CSTPP1: variants seen among roughly 807,000 people sequenced by gnomAD.
The protein encoded by CSTPP1 is UPF0705 protein C11orf49.
At chr11:47,141,075 G>A in the CSTPP1 span, among the ~76,000 whole-genome samples, 2 of 152,262 alleles carry the variant, frequency 1.3e-5, no homozygotes, top group Non-Finnish European at 2.9e-5. Context: ...TTCATCAAAT[G>A]TTTCTTTTTA....
chr11:47,156,928 T>G, the CSTPP1 span: 1 of 1,331,126 alleles, frequency 7.5e-7, no homozygotes, highest in Non-Finnish European at 1.0e-6. Context: ...GGTGTGGAAC[T>G]GGGCTGACAG....
At chr11:47,038,749 G>T in the CSTPP1 span, among the ~76,000 whole-genome samples, 2 of 121,654 alleles carry the variant, frequency 1.6e-5, 1 homozygote. Flanking sequence ...CCCAGACGGG[G>T]TGGCTGCTGG....
the CSTPP1 span, among the ~76,000 whole-genome samples, chr11:47,158,327 A>G: frequency 1.0e-3 from 144 of 142,752 alleles, no homozygotes; most frequent in South Asian, 2.3e-3. Context: ...GTCTGCGGAG[A>G]CCTTTTTTCC....
chr11:47,025,839 A>T, the CSTPP1 span, among the ~76,000 whole-genome samples: 2 of 152,250 alleles, frequency 1.3e-5, no homozygotes, highest in African/African-American at 4.8e-5. Context: ...CCAAGCATAG[A>T]TATACAGTGG....
chr11:47,083,481 G>A, the CSTPP1 span, among the ~76,000 whole-genome samples: 1 of 152,098 alleles, frequency 6.6e-6, no homozygotes, highest in Non-Finnish European at 1.5e-5. Context: ...GTGGAATATT[G>A]GGTCATATGG....
chr11:47,086,352 G>T, the CSTPP1 span, among the ~76,000 whole-genome samples: 5 of 151,846 alleles, frequency 3.3e-5, no homozygotes, highest in Non-Finnish European at 7.4e-5. Context: ...GTTACAGAGA[G>T]CCAAGATTGC....
chr11:47,161,192 TA>T, the CSTPP1 span: 12 of 1,613,536 alleles, frequency 7.4e-6, no homozygotes, highest in Non-Finnish European at 1.0e-5. Context: ...GGAACGGCTG[TA>T]AGTGTCAAGT....
chr11:46,977,167 T>C, the CSTPP1 span, among the ~76,000 whole-genome samples: 1 of 152,216 alleles, frequency 6.6e-6, no homozygotes. Context: ...ATGGCTTGCA[T>C]TGTAATGTTA....
At chr11:47,092,328 A>C in the CSTPP1 span, among the ~76,000 whole-genome samples, 1 of 152,220 alleles carries the variant, frequency 6.6e-6, no homozygotes, top group Admixed American at 6.5e-5. Context: ...ATGATCAATA[A>C]ACTTGTAGAA....
At chr11:47,087,147 A>G in the CSTPP1 span, among the ~76,000 whole-genome samples, 1 of 152,212 alleles carries the variant, frequency 6.6e-6, no homozygotes, top group African/African-American at 2.4e-5. Context: ...CTATGTACTT[A>G]GCCAAGCTTT....
chr11:47,052,715 G>A, the CSTPP1 span: 23 of 638,940 alleles, frequency 3.6e-5, no homozygotes, highest in East Asian at 8.1e-4. Context: ...GGAGTTGTCT[G>A]GTTTATGTCA....
the CSTPP1 span, among the ~76,000 whole-genome samples, chr11:47,022,695 C>A: frequency 2.6e-5 from 4 of 152,058 alleles, no homozygotes; most frequent in African/African-American, 9.7e-5. Context: ...TAAAGCCATA[C>A]ACTATCCATA....
chr11:47,019,473 TC>T, the CSTPP1 span, among the ~76,000 whole-genome samples: 1 of 152,178 alleles, frequency 6.6e-6, no homozygotes, highest in Non-Finnish European at 1.5e-5. Context: ...AAGAGACTCT[TC>T]CTTTCACTTG....
chr11:47,161,644 C>T, the CSTPP1 span: 4 of 1,607,214 alleles, frequency 2.5e-6, no homozygotes, highest in Non-Finnish European at 3.4e-6. Context: ...CTTGAGGAGT[C>T]CAAAGGGTCC....
At chr11:46,998,163 C>T in the CSTPP1 span, among the ~76,000 whole-genome samples, 1 of 152,190 alleles carries the variant, frequency 6.6e-6, no homozygotes, top group Non-Finnish European at 1.5e-5. Context: ...TGTTCCTATT[C>T]GGCCATCTTG....
chr11:46,945,306 A>G, the CSTPP1 span, among the ~76,000 whole-genome samples: 1 of 152,168 alleles, frequency 6.6e-6, no homozygotes, highest in Non-Finnish European at 1.5e-5. Flanking sequence ...TATAATACAT[A>G]AAACTGGTCA....
chr11:47,132,671 C>A, the CSTPP1 span, among the ~76,000 whole-genome samples: 1 of 152,182 alleles, frequency 6.6e-6, no homozygotes, highest in Non-Finnish European at 1.5e-5. Context: ...ATACAACTGC[C>A]CTGCCCAACT....
chr11:47,151,927 T>C, the CSTPP1 span, among the ~76,000 whole-genome samples: 3 of 152,088 alleles, frequency 2.0e-5, no homozygotes, highest in African/African-American at 7.2e-5. Flanking sequence ...GACCCACCCG[T>C]AGGACTGTTG....
chr11:47,140,298 A>G, the CSTPP1 span, among the ~76,000 whole-genome samples: 1 of 150,678 alleles, frequency 6.6e-6, no homozygotes, highest in African/African-American at 2.4e-5. Context: ...TTTTTTCTTC[A>G]CTGAAAAAAA....
Sources: allele counts gnomAD v4.1 joint callset (sites outside exome capture counted in the v4.1 genomes callset), GRCh38; gene constraint gnomAD v4.1.1; transcripts MANE v1.5; gene names NCBI Gene and HGNC (gene_info 2026-07-23, HGNC 2026-07-21).